The following PIP5K1B variants were observed in gnomAD, a reference collection of about 807,000 sequenced individuals.
The protein encoded by PIP5K1B is phosphatidylinositol-4-phosphate 5-kinase type 1 beta.
PIP5K1B carries 42 observed loss-of-function variants against 67.0 expected under a neutral mutation model. The observed-to-expected ratio is 0.63, with a 90% CI of 0.49 to 0.81. The LOEUF is 0.81. PIP5K1B is among the 30% of genes least tolerant of loss of function. The pLI, the probability that PIP5K1B is intolerant of heterozygous loss-of-function variation, is 0.00. For missense variants in PIP5K1B, 459 were observed against 646.3 expected, an observed-to-expected ratio of 0.71 and a Z score of 3.14; for synonymous variants, 214 against 231.4, an observed-to-expected ratio of 0.92 and a Z score of 0.68.
intron 8 of PIP5K1B, among the ~76,000 whole-genome samples, chr9:68,900,720 G>A (rs748566704): frequency 1.4e-4 from 21 of 152,026 alleles, no homozygotes; most frequent in East Asian, 1.9e-4. Context: ...TTGTTGAGCC[G>A]CATGTTATTA....
chr9:68,892,974 G>A (rs939691881), intron 7 of PIP5K1B, among the ~76,000 whole-genome samples: 1 of 152,122 alleles, frequency 6.6e-6, no homozygotes, highest in Admixed American at 6.5e-5. Context: ...TTGGGAAGCT[G>A]AGGAAGGGGA....
chr9:68,824,521 A>G (rs539790955), intron 4 of PIP5K1B, among the ~76,000 whole-genome samples: 13 of 152,346 alleles, frequency 8.5e-5, no homozygotes, highest in African/African-American at 3.1e-4. Context: ...TAAGGGGACC[A>G]GAAATTTTTT....
intron 2 of PIP5K1B, among the ~76,000 whole-genome samples, chr9:68,746,930 C>T (rs761421901): frequency 7.2e-5 from 11 of 152,146 alleles, no homozygotes; most frequent in African/African-American, 1.2e-4. Flanking sequence ...CCTCCCCTAA[C>T]CCCCTCACAC....
At chr9:68,752,593 C>T (rs537199148) in intron 2 of PIP5K1B, among the ~76,000 whole-genome samples, 4 of 151,562 alleles carry the variant, frequency 2.6e-5, no homozygotes, top group Middle Eastern at 3.4e-3. Flanking sequence ...GATTTACAAA[C>T]CTGATAATGC....
intron 2 of PIP5K1B, among the ~76,000 whole-genome samples, chr9:68,769,147 G>A (rs182511372): frequency 6.6e-6 from 1 of 152,300 alleles, no homozygotes; most frequent in East Asian, 1.9e-4. Context: ...AGAAGATTGA[G>A]AGGCTATCTT....
intron 6 of PIP5K1B, among the ~76,000 whole-genome samples, chr9:68,878,013 C>CTGTGTGTGTGTG (rs35871698): frequency 0.01 from 1,432 of 142,050 alleles, 18 homozygotes; most frequent in Admixed American, 0.032. Flanking sequence ...CGCATTTGTT[C>CTGTGTGTGTGTG]TGTGTGTGTG....
intron 2 of PIP5K1B, chr9:68,781,164 T>C (rs184142310): frequency 1.7e-6 from 2 of 1,197,952 alleles, no homozygotes; most frequent in Admixed American, 4.9e-5. Context: ...CCTGAAATGA[T>C]GTTATTCTAG....
chr9:69,001,451 T>C (rs1830821605), intron 15 of PIP5K1B, among the ~76,000 whole-genome samples: 1 of 152,188 alleles, frequency 6.6e-6, no homozygotes, highest in African/African-American at 2.4e-5. Flanking sequence ...CAGTCCATTT[T>C]CACACTGCTA....
intron 4 of PIP5K1B, among the ~76,000 whole-genome samples, chr9:68,860,896 C>G (rs1201360860): frequency 6.6e-6 from 1 of 152,170 alleles, no homozygotes; most frequent in Non-Finnish European, 1.5e-5. Context: ...GTGTAAGTTG[C>G]TAAACCTTCC....
chr9:69,007,664 T>A (rs566223274), intron 15 of PIP5K1B, among the ~76,000 whole-genome samples: 1 of 152,326 alleles, frequency 6.6e-6, no homozygotes, highest in Non-Finnish European at 1.5e-5. Flanking sequence ...AAGACCATCC[T>A]GGCTAACACA....
intron 14 of PIP5K1B, among the ~76,000 whole-genome samples, chr9:68,976,871 G>A (rs1345350442): frequency 3.9e-5 from 6 of 152,134 alleles, no homozygotes; most frequent in South Asian, 2.1e-4. Context: ...GGTTCCTAGC[G>A]GGCCACAGAC....
chr9:68,840,249 T>C (rs890728832), intron 4 of PIP5K1B, among the ~76,000 whole-genome samples: 6 of 152,020 alleles, frequency 3.9e-5, no homozygotes, highest in African/African-American at 1.4e-4. Flanking sequence ...TGGTGGCGCA[T>C]GCCTGTAATC....
chr9:68,983,935 A>G (rs1829999012), intron 14 of PIP5K1B, among the ~76,000 whole-genome samples: 1 of 152,220 alleles, frequency 6.6e-6, no homozygotes, highest in African/African-American at 2.4e-5. Flanking sequence ...ACATGCCTTT[A>G]GTCCCAGCTA....
At chr9:68,996,024 C>G (rs1255637936) in intron 15 of PIP5K1B, among the ~76,000 whole-genome samples, 5 of 152,142 alleles carry the variant, frequency 3.3e-5, no homozygotes, top group African/African-American at 1.2e-4. Context: ...TGCTTCTTCT[C>G]CTTTAAGATA....
rs763888519 is a variant in PIP5K1B at position 68,940,687 on chromosome 9, C to A, written c.1399C>A (p.Pro467Thr). The change falls in exon 14 of 16, where the codon CCA becomes ACA. Residue 467 changes from proline to threonine, a missense_variant. By Grantham distance (38) the Pro-to-Thr change is conservative. Transcript: ENST00000265382. ...CAGGCCAGACCTGGTCCCTAGCACTCCATCACTGTTTGAAGCTGCTTCCTT... is the reference window on the plus strand; with the variant it reads ...CAGGCCAGACCTGGTCCCTAGCACTACATCACTGTTTGAAGCTGCTTCCTT... ...RHRPDLVPST[P>T]SLFEAASLAT... 1.2e-6 allele frequency: 2 copies of A among 1,614,000 alleles called. No individual in the cohort carries two copies. The highest frequency in any genetic ancestry group is 2.2e-5 in the South Asian group (2 of 91,082).
At chr9:68,884,631 C>T (rs1176222103) in intron 6 of PIP5K1B, among the ~76,000 whole-genome samples, 1 of 146,512 alleles carries the variant, frequency 6.8e-6, no homozygotes, top group Non-Finnish European at 1.5e-5. Context: ...GCCCACTGCA[C>T]TTTAGCCTGG....
At chr9:68,945,614 A>G (rs896926992) in intron 14 of PIP5K1B, among the ~76,000 whole-genome samples, 1 of 152,256 alleles carries the variant, frequency 6.6e-6, no homozygotes, top group Non-Finnish European at 1.5e-5. Flanking sequence ...GGACCTTATT[A>G]AGGGCCATGT....
At chr9:68,956,240 G>A (rs1009523380) in intron 14 of PIP5K1B, among the ~76,000 whole-genome samples, 3 of 152,218 alleles carry the variant, frequency 2.0e-5, no homozygotes, top group Admixed American at 6.5e-5. Flanking sequence ...GAAGGCTGAG[G>A]CAGGAGGATC....
chr9:69,006,559 G>C (rs1221662382), intron 15 of PIP5K1B, among the ~76,000 whole-genome samples: 1 of 152,206 alleles, frequency 6.6e-6, no homozygotes, highest in Admixed American at 6.5e-5. Flanking sequence ...CCTGAGGCTA[G>C]TCTTCAGAGA....
Sources: gnomAD v4.1 joint callset for allele counts (sites outside exome capture counted in the v4.1 genomes callset) on GRCh38, gnomAD v4.1.1 for gene constraint, MANE v1.5 for transcripts, NCBI Gene and HGNC (gene_info 2026-07-23, HGNC 2026-07-21) for gene names.